The following SP100 variants were observed in gnomAD, a reference collection of about 807,000 sequenced individuals.
SP100 encodes the protein SP100 nuclear body protein.
A neutral mutation model predicts 130.0 loss-of-function variants in SP100; 84 were observed. That is an observed-to-expected ratio of 0.65 (90% CI 0.54 to 0.77). The LOEUF (loss-of-function observed/expected upper bound fraction) is 0.77, where lower values mean the gene tolerates loss of function less well. SP100 is among the 30% of genes least tolerant of loss of function. The pLI is 0.00. For synonymous variants in SP100, 331 were observed against 351.7 expected, an observed-to-expected ratio of 0.94 and a Z score of 0.66; for missense variants, 978 against 1,052.2, an observed-to-expected ratio of 0.93 and a Z score of 0.97.
intron 2 of SP100, among the ~76,000 whole-genome samples, chr2:230,435,151 T>C (rs1013902548): frequency 6.6e-6 from 1 of 152,234 alleles, no homozygotes; most frequent in African/African-American, 2.4e-5. Flanking sequence ...TCTGTTTTTC[T>C]GAATCTTCTC....
chr2:230,494,526 C>A, intron 18 of SP100, 66 bp downstream of exon 18: 1 of 1,223,346 alleles, frequency 8.2e-7, no homozygotes, highest in Non-Finnish European at 1.2e-6. Flanking sequence ...TGCCAGACCC[C>A]ATCTTTGCTG....
intron 13 of SP100, 188 bp from the exon 14 acceptor site, chr2:230,468,845 ATTGATTTTGC>A: frequency 3.2e-6 from 1 of 310,378 alleles, no homozygotes; most frequent in Non-Finnish European, 5.8e-6. Context: ...AAAAAAAGTC[ATTGATTTTGC>A]AATTAGGGCT....
chr2:230,515,687 G>A (rs2150090239), intron 24 of SP100: 1 of 1,557,720 alleles, frequency 6.4e-7, no homozygotes, highest in Non-Finnish European at 8.6e-7. Flanking sequence ...CATTTAAGCT[G>A]CCTGTACACA....
chr2:230,470,357 G>T, intron 15 of SP100: 1 of 1,116,620 alleles, frequency 9.0e-7, no homozygotes, highest in South Asian at 3.2e-5. Context: ...GCAAATTTGT[G>T]GTATTCTTTT....
At chr2:230,466,199 A>AAAAC (rs1236384016) in intron 11 of SP100, 102 bp from the exon 12 acceptor site, 5 of 587,716 alleles carry the variant, frequency 8.5e-6, no homozygotes, top group Non-Finnish European at 1.2e-5. Context: ...AAAAAAAAAA[A>AAAAC]AAAACTTTGT....
intron 24 of SP100, among the ~76,000 whole-genome samples, chr2:230,517,678 T>C (rs1280951903): frequency 6.6e-6 from 1 of 151,414 alleles, no homozygotes; most frequent in Non-Finnish European, 1.5e-5. Flanking sequence ...GGCAGAAGAA[T>C]CGCTTGAGCC....
At chr2:230,459,017 A>C (rs561980087) in intron 8 of SP100, among the ~76,000 whole-genome samples, 2 of 152,162 alleles carry the variant, frequency 1.3e-5, no homozygotes, top group Non-Finnish European at 2.9e-5. Flanking sequence ...CTCACTTGGC[A>C]TGTGAGACTG....
chr2:230,484,102 C>T (rs903300121), intron 17 of SP100, among the ~76,000 whole-genome samples: 4 of 152,194 alleles, frequency 2.6e-5, no homozygotes, highest in African/African-American at 7.2e-5. Context: ...ACTTGGGTGC[C>T]ACTTTATATA....
chr2:230,430,299 G>C (rs1010324186), intron 2 of SP100, among the ~76,000 whole-genome samples: 1 of 152,216 alleles, frequency 6.6e-6, no homozygotes, highest in African/African-American at 2.4e-5. Flanking sequence ...CCTTTTGTTG[G>C]GCAGCGGCTA....
chr2:230,541,366 G>C lies in SP100; in HGVS notation c.2397G>C (p.Pro799=), dbSNP rs369506321. 1.2e-6 allele frequency: 2 copies of C among 1,612,968 alleles called. No individual in the cohort carries two copies. Among genetic ancestry groups the C allele is most frequent in the African/African-American group, 2.7e-5 (2 of 74,910 alleles). ...AAAGCTGCTTTTTCGCCTCAGAACC[G>C]TATTATGTAAGTAACAGCCAAACAA... ...DSKSCFFASE[P]YYNREGSQGP... Residue 799 remains proline (P), a synonymous_variant, in exon 27 of 29, where the codon CCG becomes CCC. Transcript: ENST00000340126.
At chr2:230,517,217 CA>C (rs1205090384) in intron 24 of SP100, among the ~76,000 whole-genome samples, 1 of 151,520 alleles carries the variant, frequency 6.6e-6, no homozygotes, top group Non-Finnish European at 1.5e-5. Context: ...AATTTTAGGC[CA>C]AAAAAACAAT....
chr2:230,434,215 T>A (rs2063180717), intron 2 of SP100, among the ~76,000 whole-genome samples: 1 of 152,132 alleles, frequency 6.6e-6, no homozygotes. Flanking sequence ...AACAAAACTA[T>A]GACTGTCTAT....
intron 10 of SP100, 47 bp downstream of exon 10, chr2:230,462,565 T>A: frequency 7.3e-7 from 1 of 1,362,152 alleles, no homozygotes; most frequent in Non-Finnish European, 1.1e-6. Flanking sequence ...GAATCTGATT[T>A]AAGAGCTACT....
chr2:230,445,398 T>A (rs2063663285), intron 4 of SP100, among the ~76,000 whole-genome samples: 1 of 152,164 alleles, frequency 6.6e-6, no homozygotes, highest in South Asian at 2.1e-4. Flanking sequence ...TAGATTTGGC[T>A]AAATCTGAGA....
At chr2:230,432,106 T>C (rs2063115927) in intron 2 of SP100, among the ~76,000 whole-genome samples, 1 of 152,214 alleles carries the variant, frequency 6.6e-6, no homozygotes, top group South Asian at 2.1e-4. Context: ...AGTTTTCCCT[T>C]TCCTGGCCAT....
chr2:230,440,114 AG>A (rs2063423994), intron 2 of SP100, among the ~76,000 whole-genome samples: 2 of 152,252 alleles, frequency 1.3e-5, no homozygotes, highest in Non-Finnish European at 2.9e-5. Flanking sequence ...AAATAAGGCA[AG>A]GAAGTCCACT....
Position 230,473,379 on chromosome 2 carries a change from A to C in SP100, c.1485A>C (p.Pro495=). 1 of 1,613,924 alleles carries C rather than the reference A, an allele frequency of 6.2e-7. No individual in the cohort carries two copies. Among genetic ancestry groups the C allele is most frequent in the East Asian group, 2.2e-5 (1 of 44,874 alleles). The change falls in exon 16 of 29, where the codon CCA becomes CCC. Residue 495 remains proline (P), a synonymous_variant. Transcript: ENST00000340126. ...NKKCSCVMCF[P]KGVPRSQEAR... ...AGTGCTCCTGTGTCATGTGTTTTCC[A>C]AAAGGTGTGCCAAGAAGCCAAGAAG...
chr2:230,542,658 G>A (rs75274598), intron 28 of SP100, among the ~76,000 whole-genome samples, 178 bp from the exon 29 acceptor site: 3,051 of 152,188 alleles, frequency 0.02, 120 homozygotes, highest in African/African-American at 0.07. Flanking sequence ...GTAGTATTTT[G>A]ACTTGTCTTC....
At chr2:230,488,388 TTTG>T (rs1410905546) in intron 17 of SP100, among the ~76,000 whole-genome samples, 1 of 151,884 alleles carries the variant, frequency 6.6e-6, no homozygotes, top group East Asian at 1.9e-4. Flanking sequence ...GAGAGTTTTT[TTTG>T]TTTGTTTGGG....
Sources: gnomAD v4.1 joint callset for allele counts (sites outside exome capture counted in the v4.1 genomes callset) on GRCh38, gnomAD v4.1.1 for gene constraint, MANE v1.5 for transcripts, NCBI Gene and HGNC (gene_info 2026-07-23, HGNC 2026-07-21) for gene names.